BIRC6: variants seen among roughly 807,000 people sequenced by gnomAD.
BIRC6 encodes the protein baculoviral IAP repeat containing 6.
Under a neutral mutation model 503.3 loss-of-function variants are expected in BIRC6, and 98 were observed. The observed-to-expected ratio is 0.19, with a 90% CI of 0.17 to 0.23. BIRC6 has a LOEUF of 0.23. BIRC6 is among the 10% of genes least tolerant of loss of function. The pLI, the probability that BIRC6 is intolerant of heterozygous loss-of-function variation, is 1.00. For synonymous variants in BIRC6, 2,240 were observed against 2,078.7 expected, an observed-to-expected ratio of 1.08 and a Z score of -2.11; for missense variants, 5,360 against 5,806.0, an observed-to-expected ratio of 0.92 and a Z score of 2.50.
At chr2:32,442,564 T>A in intron 19 of BIRC6, 109 bp downstream of exon 19, 1 of 1,233,130 alleles carries the variant, frequency 8.1e-7, no homozygotes, top group Non-Finnish European at 1.1e-6. Flanking sequence ...ATGTATAATT[T>A]AAGAGAATTT....
intron 5 of BIRC6, among the ~76,000 whole-genome samples, chr2:32,392,371 C>G (rs1163541943): frequency 6.6e-6 from 1 of 152,128 alleles, no homozygotes; most frequent in East Asian, 1.9e-4. Context: ...TCCTGTGCCT[C>G]AGCCTCCTTG....
intron 15 of BIRC6, among the ~76,000 whole-genome samples, chr2:32,438,608 G>A (rs1230275376): frequency 7.0e-6 from 1 of 142,590 alleles, no homozygotes; most frequent in Non-Finnish European, 1.5e-5. Flanking sequence ...CGCCCAGGCT[G>A]GAGTGCAGTG....
At chr2:32,511,228 T>A (rs1324635818) in intron 53 of BIRC6, among the ~76,000 whole-genome samples, 1 of 112,864 alleles carries the variant, frequency 8.9e-6, no homozygotes, top group Admixed American at 9.0e-5. Context: ...TTTTTTTTTT[T>A]ACATTTAGGT....
intron 64 of BIRC6, among the ~76,000 whole-genome samples, chr2:32,548,503 C>T (rs192746913): frequency 1.8e-4 from 28 of 151,746 alleles, no homozygotes; most frequent in African/African-American, 6.0e-4. Context: ...ACTTTTCAGC[C>T]GGGCGTGGTG....
chr2:32,614,508 A>C (rs1572418846), intron 73 of BIRC6, among the ~76,000 whole-genome samples: 2 of 152,202 alleles, frequency 1.3e-5, no homozygotes, highest in African/African-American at 4.8e-5. Flanking sequence ...TTAACTGTAC[A>C]TTTGCTGTTG....
chr2:32,556,863 C>G (rs547963164), intron 65 of BIRC6, among the ~76,000 whole-genome samples: 1 of 151,910 alleles, frequency 6.6e-6, no homozygotes, highest in Non-Finnish European at 1.5e-5. Context: ...TGCTTGAAGC[C>G]GGGAGGCAGA....
intron 23 of BIRC6, among the ~76,000 whole-genome samples, chr2:32,460,073 A>G (rs1356659654): frequency 6.8e-6 from 1 of 147,152 alleles, no homozygotes; most frequent in African/African-American, 2.5e-5. Flanking sequence ...TGTGCTTCCT[A>G]GGTCTTCCTA....
chr2:32,529,884 T>C, intron 60 of BIRC6, 60 bp downstream of exon 60: 1 of 1,110,892 alleles, frequency 9.0e-7, no homozygotes, highest in Non-Finnish European at 1.2e-6. Context: ...CAGAGATTTC[T>C]ATAGCTAATG....
At chr2:32,613,241 C>A (rs936120602) in intron 73 of BIRC6, among the ~76,000 whole-genome samples, 4 of 151,936 alleles carry the variant, frequency 2.6e-5, no homozygotes, top group African/African-American at 9.7e-5. Context: ...CTCTGCCACT[C>A]AGGCATGATC....
intron 55 of BIRC6, among the ~76,000 whole-genome samples, chr2:32,517,060 G>A (rs1284099434): frequency 6.6e-6 from 1 of 152,168 alleles, no homozygotes; most frequent in Non-Finnish European, 1.5e-5. Context: ...GTCGGGTGCT[G>A]TGGCTTATAC....
At chr2:32,538,124 G>C (rs1181570814) in intron 61 of BIRC6, among the ~76,000 whole-genome samples, 1 of 152,118 alleles carries the variant, frequency 6.6e-6, no homozygotes, top group Non-Finnish European at 1.5e-5. Context: ...CTCAGTCTTT[G>C]TGGGGTGGGA....
intron 73 of BIRC6, among the ~76,000 whole-genome samples, chr2:32,616,837 G>A (rs1259021160): frequency 6.6e-6 from 1 of 151,916 alleles, no homozygotes; most frequent in Non-Finnish European, 1.5e-5. Context: ...GGGCACAGTG[G>A]CTCACACCTG....
chr2:32,586,984 G>C (rs974205308), intron 66 of BIRC6, among the ~76,000 whole-genome samples: 2 of 152,156 alleles, frequency 1.3e-5, no homozygotes, highest in Non-Finnish European at 2.9e-5. Flanking sequence ...ACATTTATCT[G>C]CTAAATTAAA....
chr2:32,485,094 G>A (rs543960881), intron 39 of BIRC6, among the ~76,000 whole-genome samples: 14 of 152,196 alleles, frequency 9.2e-5, no homozygotes, highest in Non-Finnish European at 2.1e-4. Context: ...ACCTTTTAAA[G>A]GAGAAATGTG....
At chr2:32,471,663 AG>A (rs1382748879) in intron 32 of BIRC6, among the ~76,000 whole-genome samples, 1 of 152,162 alleles carries the variant, frequency 6.6e-6, no homozygotes, top group East Asian at 1.9e-4. Flanking sequence ...CCAGTTAACA[AG>A]GCTTTTTATT....
rs775083377 is a variant in BIRC6, at chr2:32,442,382, G to A, written c.4165G>A (p.Val1389Ile). The A allele has an allele frequency of 1.7e-5, 27 of 1,611,704 alleles. No homozygotes were observed. Among genetic ancestry groups the A allele is most frequent in the East Asian group, 1.3e-4 (6 of 44,858 alleles). Residue 1389 changes from valine (V) to isoleucine (I), a missense_variant, in exon 19 of 74, where the codon GTA (valine) becomes ATA (isoleucine). Physicochemically the swap from Val to Ile is conservative, Grantham distance 29 (BLOSUM62 3). Coordinates refer to ENST00000421745, the MANE Select transcript of BIRC6 (RefSeq NM_016252.4). ...SKTRKFLSDIVRVCFFEAGRS... is the reference protein window; with the variant it reads ...SKTRKFLSDIIRVCFFEAGRS... ...AACACGAAAATTTCTGTCAGACATC[G>A]TACGTGTTTGCTTCTTTGAGGCAGG...
In BIRC6 at chr2:32,375,891, A is replaced by G. The variant is rs567619576; in HGVS notation, c.326-1697A>G. Reference sequence around the variant, plus strand: ...TATGGTATTGCACTAAACCCGATGAAAATACATGAGATGGCCGGGCGCAGT... The same window carrying G: ...TATGGTATTGCACTAAACCCGATGAGAATACATGAGATGGCCGGGCGCAGT... On this transcript the variant is annotated intron_variant, in intron 1 of 73. Transcript: ENST00000421745. Among the ~76,000 whole-genome samples, 20 of 152,214 alleles carry G rather than the reference A, an allele frequency of 1.3e-4. No individual in the cohort carries two copies. The South Asian group carries it at 4.1e-3, about 32-fold the overall frequency.
At chr2:32,381,413 A>G (rs2037629307) in intron 3 of BIRC6, among the ~76,000 whole-genome samples, 1 of 146,954 alleles carries the variant, frequency 6.8e-6, no homozygotes, top group African/African-American at 2.5e-5. Context: ...CAAATTTTGT[A>G]TTTTTTAGTA....
intron 42 of BIRC6, among the ~76,000 whole-genome samples, chr2:32,489,425 A>G (rs1002820613): frequency 1.3e-5 from 2 of 151,780 alleles, no homozygotes; most frequent in Admixed American, 6.6e-5. Context: ...CATCTCTTCA[A>G]CTATATTATT....
Sources: allele counts gnomAD v4.1 joint callset (sites outside exome capture counted in the v4.1 genomes callset), GRCh38; gene constraint gnomAD v4.1.1; transcripts MANE v1.5; gene names NCBI Gene and HGNC (gene_info 2026-07-23, HGNC 2026-07-21).